WARS2: variants seen among roughly 807,000 people sequenced by gnomAD.
The protein encoded by WARS2 is tryptophan--tRNA ligase, mitochondrial.
A neutral mutation model predicts 36.5 loss-of-function variants in WARS2; 28 were observed. The observed-to-expected ratio is 0.77, with a 90% CI of 0.57 to 1.05. The LOEUF is 1.05. Ranked by LOEUF, WARS2 falls within the 50% of genes least tolerant of loss-of-function variation. WARS2 has a pLI of 0.00. For synonymous variants in WARS2, 174 were observed against 178.4 expected, an observed-to-expected ratio of 0.98 and a Z score of 0.20; for missense variants, 435 against 456.8, an observed-to-expected ratio of 0.95 and a Z score of 0.44.
chr1:119,080,821 G>A (rs1387686829), intron 1 of WARS2, among the ~76,000 whole-genome samples: 4 of 152,156 alleles, frequency 2.6e-5, no homozygotes, highest in East Asian at 3.8e-4. Context: ...AGGAGCTTGG[G>A]CTTCCCATGG....
chr1:119,032,824 A>AT lies in WARS2; in HGVS notation c.*86dup. ...ATACCAAATTAAATGTCCCAAAACT[A>AT]TAACTTTTTCTTTTTAGGAAAGCTG... On this transcript the variant is annotated 3_prime_UTR_variant, in exon 6 of 6. Coordinates refer to ENST00000235521, the MANE Select transcript of WARS2 (RefSeq NM_015836.4). 1 of 1,291,708 alleles carries AT rather than the reference A, an allele frequency of 7.7e-7. No individual in the cohort carries two copies. Among genetic ancestry groups the AT allele is most frequent in the Non-Finnish European group, 1.1e-6 (1 of 935,718 alleles). The allele number at this position is 1,291,708 out of a possible 1,614,324, so 80.0% of individuals were successfully genotyped here.
chr1:119,035,663 A>T (rs1647817876), intron 4 of WARS2, among the ~76,000 whole-genome samples: 1 of 152,154 alleles, frequency 6.6e-6, no homozygotes, highest in Non-Finnish European at 1.5e-5. Flanking sequence ...CTGACATACC[A>T]CAAATAGTAA....
intron 1 of WARS2, among the ~76,000 whole-genome samples, chr1:119,137,578 G>T (rs983395192): frequency 6.6e-6 from 1 of 152,144 alleles, no homozygotes; most frequent in Non-Finnish European, 1.5e-5. Flanking sequence ...ATGACTTAGT[G>T]CTTAAAGAAG....
At chr1:119,047,153 G>A (rs572202989) in intron 2 of WARS2, among the ~76,000 whole-genome samples, 2 of 152,278 alleles carry the variant, frequency 1.3e-5, no homozygotes, top group East Asian at 3.9e-4. Flanking sequence ...ATAGCTATCA[G>A]ACAAAAACAG....
At chr1:119,098,985 C>T (rs1321091906) in intron 1 of WARS2, among the ~76,000 whole-genome samples, 1 of 152,098 alleles carries the variant, frequency 6.6e-6, no homozygotes, top group African/African-American at 2.4e-5. Flanking sequence ...GATCCACCCA[C>T]CTCAGCCTCC....
intron 1 of WARS2, among the ~76,000 whole-genome samples, chr1:119,118,075 A>G (rs1027210810): frequency 6.6e-6 from 1 of 152,320 alleles, no homozygotes. Context: ...CTCTAAACCA[A>G]GTAGAAATCT....
At chr1:119,056,221 C>T (rs1649794928) in intron 2 of WARS2, among the ~76,000 whole-genome samples, 1 of 124,332 alleles carries the variant, frequency 8.0e-6, no homozygotes, top group Middle Eastern at 4.7e-3. Context: ...AATTTTAGTA[C>T]AGACGAGGTT....
At chr1:119,098,049 G>A (rs1435718501) in intron 1 of WARS2, among the ~76,000 whole-genome samples, 1 of 152,100 alleles carries the variant, frequency 6.6e-6, no homozygotes, top group African/African-American at 2.4e-5. Flanking sequence ...AGGAGTTCGA[G>A]ACCAGCCTGG....
At chr1:119,113,228 G>A (rs1039200075) in intron 1 of WARS2, among the ~76,000 whole-genome samples, 18 of 152,236 alleles carry the variant, frequency 1.2e-4, no homozygotes, top group Non-Finnish European at 1.8e-4. Context: ...CAGAAACAAC[G>A]CAGTCAGGAT....
At chr1:119,061,455 G>T (rs551483312) in intron 2 of WARS2, among the ~76,000 whole-genome samples, 49 of 152,186 alleles carry the variant, frequency 3.2e-4, no homozygotes, top group African/African-American at 1.2e-3. Flanking sequence ...ACACAGATTG[G>T]GAGGGCAGAA....
intron 3 of WARS2, among the ~76,000 whole-genome samples, chr1:119,044,012 C>T (rs1290081487): frequency 6.6e-6 from 1 of 152,180 alleles, no homozygotes; most frequent in African/African-American, 2.4e-5. Context: ...ACTTCTTACA[C>T]TTTCTTATTA....
At chr1:119,127,949 G>A (rs1295179396) in intron 1 of WARS2, among the ~76,000 whole-genome samples, 3 of 152,130 alleles carry the variant, frequency 2.0e-5, no homozygotes, top group Admixed American at 2.0e-4. Flanking sequence ...ATCGTCAAAA[G>A]AGCAAAACTC....
intron 1 of WARS2, among the ~76,000 whole-genome samples, chr1:119,095,879 G>A (rs1375411670): frequency 2.0e-5 from 3 of 152,208 alleles, no homozygotes; most frequent in Non-Finnish European, 4.4e-5. Flanking sequence ...GGACACTGAA[G>A]AGTTTTTAGT....
intron 2 of WARS2, 97 bp downstream of exon 2, chr1:119,076,253 T>TA: frequency 6.8e-7 from 1 of 1,474,356 alleles, no homozygotes; most frequent in Non-Finnish European, 9.1e-7. Flanking sequence ...AAACACTTTT[T>TA]AAAAATCACG....
intron 2 of WARS2, among the ~76,000 whole-genome samples, chr1:119,070,419 C>A (rs2101275956): frequency 6.6e-6 from 1 of 152,098 alleles, no homozygotes; most frequent in Non-Finnish European, 1.5e-5. Context: ...GCGTGCGACA[C>A]CACGCCTGGC....
At chr1:119,039,117 TA>T (rs1648130086) in intron 4 of WARS2, among the ~76,000 whole-genome samples, 1 of 152,170 alleles carries the variant, frequency 6.6e-6, no homozygotes, top group East Asian at 1.9e-4. Flanking sequence ...TCCCCATCTG[TA>T]AAATGGGGAT....
At chr1:119,094,836 T>C (rs888712078) in intron 1 of WARS2, among the ~76,000 whole-genome samples, 1 of 152,158 alleles carries the variant, frequency 6.6e-6, no homozygotes, top group Non-Finnish European at 1.5e-5. Context: ...CATCTCTCCA[T>C]TTCCTCCTTT....
chr1:119,037,236 A>G (rs1647960086), intron 4 of WARS2, among the ~76,000 whole-genome samples: 1 of 152,136 alleles, frequency 6.6e-6, no homozygotes, highest in Non-Finnish European at 1.5e-5. Context: ...CTTCTGTCAT[A>G]TAATAATGCC....
Position 119,066,313 on chromosome 1 carries a change from C to T in WARS2, c.348+10037G>A, listed in dbSNP as rs561920861. Among the ~76,000 whole-genome samples the T allele has an allele frequency of 2.6e-5, 4 of 151,778 alleles. No individual in the cohort carries two copies. In the South Asian group the frequency reaches 6.3e-4, roughly 24 times the overall value. ...CTAATACGGTGAAACCCCGTCTTTA[C>T]TAAAAATACAAAAAATTAGCCGGGT... On this transcript the variant is annotated intron_variant, in intron 2 of 5. Transcript: ENST00000235521.
Sources: gnomAD v4.1 joint callset for allele counts (sites outside exome capture counted in the v4.1 genomes callset) on GRCh38, gnomAD v4.1.1 for gene constraint, MANE v1.5 for transcripts, NCBI Gene and HGNC (gene_info 2026-07-23, HGNC 2026-07-21) for gene names.